The following DRC1 variants were observed in gnomAD, a reference collection of about 807,000 sequenced individuals.
DRC1 encodes the protein dynein regulatory complex subunit 1, also known as dynein regulatory complex protein 1.
DRC1 carries 74 observed loss-of-function variants against 98.7 expected under a neutral mutation model. The ratio of observed to expected loss-of-function variants is 0.75; its 90% CI spans 0.62 to 0.91. The LOEUF is 0.91. DRC1 is among the 40% of genes least tolerant of loss of function. The pLI, the probability that DRC1 is intolerant of heterozygous loss-of-function variation, is 0.00. For missense variants in DRC1, 875 were observed against 886.0 expected (o/e 0.99, Z 0.16); for synonymous variants, 336 against 334.1 (o/e 1.01, Z -0.06).
chr2:26,451,280 C>T (rs138256902), intron 13 of DRC1, among the ~76,000 whole-genome samples: 65 of 152,250 alleles, frequency 4.3e-4, no homozygotes, highest in African/African-American at 1.4e-3. Flanking sequence ...CACTGTGAGA[C>T]CAGAGCCCAC....
At chr2:26,404,643 G>A (rs1558430976) in intron 1 of DRC1, among the ~76,000 whole-genome samples, 7 of 152,144 alleles carry the variant, frequency 4.6e-5, no homozygotes. Context: ...AACACCCCTG[G>A]GTGGCAATAT....
Position 26,430,847 on chromosome 2 carries a change from C to T in DRC1, c.740C>T (p.Ala247Val). Residue 247 changes from alanine to valine, a missense_variant, in exon 6 of 17, where the codon GCC becomes GTC. Transcript: ENST00000288710. ...AGTAATAAGAAGAAATGGGAGCAAG[C>T]CCTTCAGGCTCATAATGCCAAAGAG... ...LASNKKKWEQ[A>V]LQAHNAKELE... The T allele has an allele frequency of 6.2e-7, 1 of 1,614,120 alleles. No individual in the cohort carries two copies. The highest frequency in any genetic ancestry group is 8.5e-7 in the Non-Finnish European group (1 of 1,180,018).
chr2:26,415,714 C>T lies in DRC1; in HGVS notation c.243+1283C>T, dbSNP rs1678777231. ...TGGGAGGCCGAGGCGAGCGGATCAC[C>T]TGAGGTCAGGAGTTCAAGACCAGCC... On this transcript the variant is annotated intron_variant, in intron 2 of 16. Coordinates refer to ENST00000288710, the MANE Select transcript of DRC1 (RefSeq NM_145038.5). Among the ~76,000 whole-genome samples, 7 of 152,218 alleles carry T rather than the reference C, an allele frequency of 4.6e-5. No homozygotes were observed. The South Asian group carries it at 1.5e-3, about 32-fold the overall frequency.
At chr2:26,423,248 G>A (rs1447364097) in intron 3 of DRC1, among the ~76,000 whole-genome samples, 5 of 152,000 alleles carry the variant, frequency 3.3e-5, no homozygotes, top group African/African-American at 7.2e-5. Flanking sequence ...AGTGTGCTGC[G>A]GAAAGATGAC....
intron 1 of DRC1, among the ~76,000 whole-genome samples, chr2:26,409,489 C>T (rs1678529335): frequency 6.6e-6 from 1 of 152,002 alleles, no homozygotes; most frequent in South Asian, 2.1e-4. Flanking sequence ...AACTAGGTAG[C>T]TACTGTGAAG....
At chr2:26,412,914 C>G (rs1300399977) in intron 1 of DRC1, among the ~76,000 whole-genome samples, 2 of 152,078 alleles carry the variant, frequency 1.3e-5, no homozygotes, top group East Asian at 3.9e-4. Flanking sequence ...TCCCAAGTAG[C>G]TGGGACTACA....
rs757284861 is a variant in DRC1, at chr2:26,455,204, G to A, written c.2137G>A (p.Ala713Thr). ...SLEQQNTELQ[A>T]LLQQYLNSKI... The stretch of plus-strand genomic sequence containing the variant: ...GGAGCAGCAGAACACAGAGCTGCAG[G>A]CGCTACTGCAGCAGTATCTGAACTC... Residue 713 changes from alanine to threonine, a missense_variant, in exon 16 of 17, where the codon GCG (alanine) becomes ACG (threonine). Transcript: ENST00000288710. 2 of 1,613,946 alleles carry A rather than the reference G, an allele frequency of 1.2e-6. No individual in the cohort carries two copies. The highest frequency in any genetic ancestry group is 4.5e-5 in the East Asian group (2 of 44,882).
At position 26,431,956 on chromosome 2, in the gene DRC1, G is replaced by A. The variant is rs376877060; in HGVS notation, c.838G>A (p.Asp280Asn). The A allele has an allele frequency of 2.7e-5, 44 of 1,614,106 alleles. No homozygotes were observed. The highest frequency in any genetic ancestry group is 3.7e-5 in the Non-Finnish European group (44 of 1,180,038). Residue 280 changes from aspartate (D) to asparagine (N), a missense_variant, in exon 7 of 17, where the codon GAT becomes AAT. Transcript: ENST00000288710. ...GCAGCTGAACAGGCAGAGGATCTGG[G>A]ATTGCGAAGAATACAACATGATCAA... ...EKQLNRQRIW[D>N]CEEYNMIKIK...
rs1053082106 is a variant in DRC1, at chr2:26,444,488, C to T, written c.1163+132C>T. ...GGGGCTGGACCAGGCACTAGTTAAC[C>T]TTTTGTGGTGTGTTCCCCTGGCCCT... On this transcript the variant is annotated intron_variant, in intron 9 of 16. Coordinates refer to ENST00000288710, the MANE Select transcript of DRC1 (RefSeq NM_145038.5). 14 of 1,294,798 alleles carry T rather than the reference C, an allele frequency of 1.1e-5. No homozygotes were observed. The Admixed American group carries it at 2.1e-4, about 19-fold the overall frequency. 80.2% of individuals were successfully genotyped at this position (1,294,798 alleles called of 1,614,324 possible).
chr2:26,454,651 TCGCGGGCCC>T lies in DRC1; in HGVS notation c.1928_1936del (p.Arg643_Pro645del). On this transcript the variant is annotated inframe_deletion, in exon 15 of 17. Transcript: ENST00000288710. The surrounding 1 kb of genome is among the most constrained non-coding windows in gnomAD (Gnocchi z 5.2). Reference sequence around the variant, plus strand: ...CACTGTGCTCTTGGCCTTCAGGGACTCGCGGGCCCCGCTGAGGGTACAGAAGAATGTGCG... The same window carrying T: ...CACTGTGCTCTTGGCCTTCAGGGACTCGCTGAGGGTACAGAAGAATGTGCG... 1 of 1,614,094 alleles carries T rather than the reference TCGCGGGCCC, an allele frequency of 6.2e-7. No homozygotes were observed. Among genetic ancestry groups the T allele is most frequent in the Middle Eastern group, 1.6e-4 (1 of 6,062 alleles).
intron 1 of DRC1, among the ~76,000 whole-genome samples, chr2:26,413,768 G>A (rs530106713): frequency 6.6e-6 from 1 of 151,858 alleles, no homozygotes; most frequent in South Asian, 2.1e-4. Flanking sequence ...TGACTTTCAA[G>A]GATAAAATTT....
chr2:26,447,472 C>T (rs1297380647), intron 10 of DRC1, among the ~76,000 whole-genome samples: 2 of 152,186 alleles, frequency 1.3e-5, no homozygotes, highest in Non-Finnish European at 2.9e-5. Flanking sequence ...GTGGTTATAT[C>T]ACCAGCTTGA....
intron 7 of DRC1, 39 bp downstream of exon 7, chr2:26,432,045 G>A (rs377342080): frequency 8.9e-5 from 143 of 1,602,304 alleles, no homozygotes; most frequent in Admixed American, 4.5e-4. Context: ...CTGGGTGGCG[G>A]AGCAGATGGT....
intron 1 of DRC1, among the ~76,000 whole-genome samples, chr2:26,412,050 AAG>A (rs773700307): frequency 5.3e-5 from 8 of 152,326 alleles, no homozygotes; most frequent in Admixed American, 6.5e-5. Context: ...TAAGAAAACA[AAG>A]AGCATGTTCA....
intron 1 of DRC1, among the ~76,000 whole-genome samples, chr2:26,403,722 G>C (rs1393194326): frequency 1.3e-5 from 2 of 148,602 alleles, no homozygotes; most frequent in East Asian, 2.0e-4. Flanking sequence ...TCGAACCTGG[G>C]AGGCAGAGGT....
chr2:26,437,289 G>A (rs1281089868), intron 7 of DRC1, among the ~76,000 whole-genome samples: 1 of 152,204 alleles, frequency 6.6e-6, no homozygotes, highest in Non-Finnish European at 1.5e-5. Flanking sequence ...TTGAAATGAG[G>A]CTGTGCTGTT....
rs1663447742 is a variant in DRC1, at chr2:26,431,955, G to C, written c.837G>C (p.Trp279Cys). ...YEKQLNRQRI[W>C]DCEEYNMIKI... is the part of the protein sequence containing the mutation. ...AGCAGCTGAACAGGCAGAGGATCTG[G>C]GATTGCGAAGAATACAACATGATCA... Residue 279 changes from tryptophan (W) to cysteine (C), a missense_variant, in exon 7 of 17, where the codon TGG (tryptophan) becomes TGC (cysteine). Transcript: ENST00000288710. 6.2e-7 allele frequency: 1 copy of C among 1,614,174 alleles called. No homozygotes were observed. Among genetic ancestry groups the C allele is most frequent in the Middle Eastern group, 1.7e-4 (1 of 6,060 alleles).
In DRC1 at chr2:26,450,879, A is replaced by G. The variant is rs1325168685; in HGVS notation, c.1689+198A>G. 2.0e-5 allele frequency among the ~76,000 whole-genome samples: 3 copies of G among 148,080 alleles called. No homozygotes were observed. The Admixed American group carries it at 2.0e-4, about 10-fold the overall frequency. The stretch of plus-strand genomic sequence containing the variant: ...TTTCTCCTAATGTTATCCCTCCCCT[A>G]GCCCCCACCCCCCGACAGGCCCCGG... On this transcript the variant is annotated intron_variant, in intron 13 of 16. Coordinates refer to ENST00000288710, the MANE Select transcript of DRC1 (RefSeq NM_145038.5).
rs7586702 is a variant in DRC1, at chr2:26,424,661, T to C, written c.540+207T>C. Reference sequence around the variant, plus strand: ...GCCATCATAACCATTTTAAAGTGTATAGTTCATGGGCTGGATGAGGTGGTT... The same window carrying C: ...GCCATCATAACCATTTTAAAGTGTACAGTTCATGGGCTGGATGAGGTGGTT... On this transcript the variant is annotated intron_variant, in intron 4 of 16. Coordinates refer to ENST00000288710, the MANE Select transcript of DRC1 (RefSeq NM_145038.5). Among the ~76,000 whole-genome samples the C allele has an allele frequency of 0.68, 103,819 of 152,168 alleles. 40,777 individuals are homozygous for C. Among genetic ancestry groups the C allele is most frequent in the Non-Finnish European group, 0.89 (60,385 of 68,018 alleles).
Sources: allele counts gnomAD v4.1 joint callset (sites outside exome capture counted in the v4.1 genomes callset), GRCh38; gene constraint gnomAD v4.1.1; non-coding constraint Gnocchi (gnomAD v3.1); transcripts MANE v1.5; gene names NCBI Gene and HGNC (gene_info 2026-07-23, HGNC 2026-07-21).